NELL1: variants seen among roughly 807,000 people sequenced by gnomAD.
NELL1 encodes neural EGFL like 1.
A neutral mutation model predicts 107.4 loss-of-function variants in NELL1; 76 were observed. That is an observed-to-expected ratio of 0.71 (90% CI 0.59 to 0.86). The LOEUF (loss-of-function observed/expected upper bound fraction) is 0.86, where lower values mean the gene tolerates loss of function less well. Among genes scored for constraint, NELL1 ranks in the 40% least tolerant of loss-of-function variants. The pLI, the probability that NELL1 is intolerant of heterozygous loss-of-function variation, is 0.00. For synonymous variants in NELL1, 353 were observed against 341.2 expected, an observed-to-expected ratio of 1.03 and a Z score of -0.38; for missense variants, 1,024 against 1,005.5, an observed-to-expected ratio of 1.02 and a Z score of -0.25.
intron 13 of NELL1, among the ~76,000 whole-genome samples, chr11:21,215,994 G>A (rs528403548): frequency 6.6e-6 from 1 of 152,096 alleles, no homozygotes; most frequent in East Asian, 1.9e-4. Context: ...TCCTATCACA[G>A]AGCCAGAGGC....
intron 15 of NELL1, among the ~76,000 whole-genome samples, chr11:21,493,441 G>A (rs773160484): frequency 1.1e-4 from 17 of 151,972 alleles, no homozygotes; most frequent in African/African-American, 1.7e-4. Context: ...GAAACAACAT[G>A]GATGGAACTG....
chr11:21,205,672 A>G (rs1169141999), intron 13 of NELL1, among the ~76,000 whole-genome samples: 2 of 151,736 alleles, frequency 1.3e-5, no homozygotes, highest in Non-Finnish European at 2.9e-5. Context: ...GAAAAAAGAA[A>G]CTCCTGCAGC....
chr11:20,770,022 C>T (rs778555559), intron 2 of NELL1, among the ~76,000 whole-genome samples: 7 of 152,090 alleles, frequency 4.6e-5, no homozygotes, highest in Non-Finnish European at 1.0e-4. Flanking sequence ...AATAATTTAT[C>T]GAAACAGATT....
At chr11:20,795,859 C>T (rs547307280) in intron 3 of NELL1, among the ~76,000 whole-genome samples, 1 of 152,110 alleles carries the variant, frequency 6.6e-6, no homozygotes, top group South Asian at 2.1e-4. Context: ...AAATAACTTT[C>T]TACTGTGATG....
At chr11:21,075,427 G>A (rs547296392) in intron 12 of NELL1, among the ~76,000 whole-genome samples, 1 of 152,142 alleles carries the variant, frequency 6.6e-6, no homozygotes, top group South Asian at 2.1e-4. Context: ...CTTCATGCTT[G>A]AGGTAACCAT....
chr11:21,116,960 A>G (rs993319322), intron 13 of NELL1, among the ~76,000 whole-genome samples: 1 of 152,010 alleles, frequency 6.6e-6, no homozygotes, highest in African/African-American at 2.4e-5. Flanking sequence ...TCTTATTTCA[A>G]TATATAACCC....
chr11:20,732,797 AGC>A (rs1416560189), intron 2 of NELL1, among the ~76,000 whole-genome samples: 2 of 152,082 alleles, frequency 1.3e-5, no homozygotes, highest in Middle Eastern at 3.2e-3. Context: ...CCGGTTTTGG[AGC>A]TTATTGTCGG....
intron 2 of NELL1, among the ~76,000 whole-genome samples, chr11:20,692,739 G>T (rs1854502583): frequency 1.3e-5 from 2 of 152,202 alleles, no homozygotes; most frequent in East Asian, 3.9e-4. Context: ...GTGTGATGTG[G>T]TGCTGAGAAG....
intron 3 of NELL1, among the ~76,000 whole-genome samples, chr11:20,793,110 A>C (rs1857106483): frequency 6.6e-6 from 1 of 152,018 alleles, no homozygotes; most frequent in Non-Finnish European, 1.5e-5. Flanking sequence ...GCTGAAAAGT[A>C]CAAAAAATAT....
intron 2 of NELL1, among the ~76,000 whole-genome samples, chr11:20,710,097 G>C (rs552240956): frequency 6.6e-6 from 1 of 152,310 alleles, no homozygotes; most frequent in East Asian, 1.9e-4. Flanking sequence ...TTGCATAGAA[G>C]TGGTGAAAGT....
At chr11:21,231,537 C>T (rs1204490882) in intron 14 of NELL1, among the ~76,000 whole-genome samples, 1 of 152,140 alleles carries the variant, frequency 6.6e-6, no homozygotes, top group African/African-American at 2.4e-5. Context: ...CATGCTAGTG[C>T]TATAAATCTG....
At chr11:20,998,973 A>G (rs1852154582) in intron 12 of NELL1, among the ~76,000 whole-genome samples, 1 of 152,248 alleles carries the variant, frequency 6.6e-6, no homozygotes, top group Admixed American at 6.5e-5. Context: ...CTTGAAAAGC[A>G]GCAAATGCAA....
chr11:21,148,877 G>A (rs1286630853), intron 13 of NELL1, among the ~76,000 whole-genome samples: 1 of 152,146 alleles, frequency 6.6e-6, no homozygotes, highest in East Asian at 1.9e-4. Context: ...TACCTTAGGG[G>A]CCACATTGTG....
At chr11:21,306,884 A>C (rs1849616983) in intron 14 of NELL1, among the ~76,000 whole-genome samples, 1 of 152,062 alleles carries the variant, frequency 6.6e-6, no homozygotes, top group Non-Finnish European at 1.5e-5. Context: ...AATAACATTT[A>C]AGATGCAATA....
chr11:21,261,810 T>C (rs1311167968), intron 14 of NELL1, among the ~76,000 whole-genome samples: 2 of 151,882 alleles, frequency 1.3e-5, no homozygotes, highest in Non-Finnish European at 2.9e-5. Context: ...TAGGGAAGAT[T>C]AATCCCTTGG....
chr11:21,316,814 G>T lies in NELL1; in HGVS notation c.1550-54039G>T, dbSNP rs201563959. Among the ~76,000 whole-genome samples the T allele has an allele frequency of 4.6e-5, 7 of 152,258 alleles. No individual in the cohort carries two copies. The East Asian group carries it at 9.6e-4, about 21-fold the overall frequency. On this transcript the variant is annotated intron_variant, in intron 14 of 19. Transcript: ENST00000357134. ...AAGAGAATGATGCTCAGAGTCTCTT[G>T]TGGGTAGGGCTTCCTCCTGGAGGTA...
In NELL1 at chr11:20,915,717, A is replaced by ATT. The variant is rs67447563; in HGVS notation, c.604-2448_604-2447dup. On this transcript the variant is annotated intron_variant, in intron 5 of 19. Transcript: ENST00000357134. ...TCATAGATGATATATATATATATATATTTTTTTTTTTTTTTTTTGAGAGGA... is the reference window on the plus strand; with the variant it reads ...TCATAGATGATATATATATATATATATTTTTTTTTTTTTTTTTTTTGAGAGGA... Among the ~76,000 whole-genome samples the ATT allele has an allele frequency of 1.7e-3, 98 of 58,212 alleles. 3 individuals carry two copies. The highest frequency in any genetic ancestry group is 1.1e-3 in the East Asian group (2 of 1,810). 38.2% of individuals were successfully genotyped at this position (58,212 alleles called of 152,430 possible). A position where few individuals can be genotyped will look rare whatever the true frequency, so the allele number is the denominator to read the frequency against.
intron 12 of NELL1, among the ~76,000 whole-genome samples, chr11:21,088,234 A>C (rs1854443849): frequency 6.6e-6 from 1 of 152,174 alleles, no homozygotes; most frequent in Non-Finnish European, 1.5e-5. Flanking sequence ...CAAAAGATAC[A>C]TAGCAGCAGT....
At chr11:21,147,780 G>C (rs768260262) in intron 13 of NELL1, among the ~76,000 whole-genome samples, 15 of 130,792 alleles carry the variant, frequency 1.1e-4, no homozygotes, top group Non-Finnish European at 2.0e-4. Flanking sequence ...AGGTTGTGGT[G>C]AGCTGAGATG....
Sources: gnomAD v4.1 joint callset for allele counts (sites outside exome capture counted in the v4.1 genomes callset) on GRCh38, gnomAD v4.1.1 for gene constraint, MANE v1.5 for transcripts, NCBI Gene and HGNC (gene_info 2026-07-23, HGNC 2026-07-21) for gene names.